CDKN2A: variants seen among roughly 807,000 people sequenced by gnomAD.
CDKN2A encodes the protein cyclin dependent kinase inhibitor 2A, also known as cyclin-dependent kinase inhibitor 2A.
A neutral mutation model predicts 11.1 loss-of-function variants in CDKN2A; 3 were observed. That is an observed-to-expected ratio of 0.27 (90% CI 0.12 to 0.70). CDKN2A has a LOEUF of 0.70. CDKN2A is among the 30% of genes least tolerant of loss of function. The probability of loss-of-function intolerance (pLI) is 0.77; values close to 1 mark genes in which losing one functional copy is unlikely to be tolerated. For synonymous variants in CDKN2A, 122 were observed against 108.1 expected (o/e 1.13, Z -0.80); for missense variants, 265 against 233.6 (o/e 1.13, Z -0.88).
At chr9:21,981,361 G>A (rs578111481) in intron 2 of CDKN2A, among the ~76,000 whole-genome samples, 4 of 151,208 alleles carry the variant, frequency 2.6e-5, no homozygotes, top group African/African-American at 9.7e-5. Context: ...TCAGAGTCTG[G>A]AAAAGCTCCC....
Position 21,968,014 on chromosome 9 carries a change from T to C in CDKN2A, c.*215A>G. 1.8e-6 allele frequency: 1 copy of C among 567,598 alleles called. No homozygotes were observed. The highest frequency in any genetic ancestry group is 3.1e-6 in the Non-Finnish European group (1 of 319,084). 35.2% of individuals were successfully genotyped at this position (567,598 alleles called of 1,614,324 possible). A position where few individuals can be genotyped will look rare whatever the true frequency, so the allele number is the denominator to read the frequency against. The stretch of plus-strand genomic sequence containing the variant: ...GGTGTTTTTCTTTTTTACATTTTTA[T>C]AAGAATATATAAAAAATGATATAAA... On this transcript the variant is annotated 3_prime_UTR_variant, in exon 3 of 3. Coordinates refer to ENST00000304494, the MANE Select transcript of CDKN2A (RefSeq NM_000077.5). This position sits in a 1 kb window ranked among gnomAD's most constrained non-coding sequence, Gnocchi z 4.7.
intron 1 of CDKN2A, chr9:21,994,818 T>G: frequency 2.5e-5 from 4 of 162,306 alleles, no homozygotes; most frequent in East Asian, 1.7e-4. Context: ...GACACGGCCC[T>G]ACCAGGAACA....
Position 21,992,002 on chromosome 9 carries a change from A to G in CDKN2A, c.-4+1880T>C, listed in dbSNP as rs576232425. The G allele has an allele frequency of 5.1e-6, 5 of 984,526 alleles. No individual in the cohort carries two copies. In the African/African-American group the frequency reaches 8.7e-5, roughly 17 times the overall value. The allele number at this position is 984,526 out of a possible 1,614,324, so 61.0% of individuals were successfully genotyped here. A position where few individuals can be genotyped will look rare whatever the true frequency, so the allele number is the denominator to read the frequency against. On this transcript the variant is annotated intron_variant, in intron 2 of 3. Coordinates refer to the CDKN2A transcript ENST00000494262. ...AATATGACTATTTTGTAAATGCACCAAGGTAGAAGTAACAAATCAACTATG... is the reference window on the plus strand; with the variant it reads ...AATATGACTATTTTGTAAATGCACCGAGGTAGAAGTAACAAATCAACTATG...
intron 2 of CDKN2A, among the ~76,000 whole-genome samples, chr9:21,980,357 A>G (rs1378348875): frequency 6.6e-6 from 1 of 152,200 alleles, no homozygotes; most frequent in African/African-American, 2.4e-5. Flanking sequence ...GGGGAGATAC[A>G]GGAAAAGCTG....
upstream of CDKN2A, among the ~76,000 whole-genome samples, chr9:21,978,724 C>CGGTA (rs1369445408): frequency 1.3e-5 from 2 of 152,164 alleles, no homozygotes; most frequent in Non-Finnish European, 2.9e-5. Flanking sequence ...CAAAAAAAGA[C>CGGTA]TACCACCTGT....
chr9:21,968,268 C>G lies in CDKN2A; in HGVS notation c.458-26G>C, dbSNP rs746862360. On this transcript the variant is annotated intron_variant, in intron 2 of 2. Coordinates refer to ENST00000304494, the MANE Select transcript of CDKN2A (RefSeq NM_000077.5). The surrounding 1 kb of genome is among the most constrained non-coding windows in gnomAD (Gnocchi z 4.7). ...CTGCAGAGGGCAGAAAGAAAACAGG[C>G]GTTAGAAACCTGAGGTCAAAGATGT... 1 of 1,613,458 alleles carries G rather than the reference C, an allele frequency of 6.2e-7. No individual in the cohort carries two copies. Among genetic ancestry groups the G allele is most frequent in the Non-Finnish European group, 8.5e-7 (1 of 1,179,570 alleles).
At chr9:21,980,258 T>C (rs1388459358) in intron 2 of CDKN2A, among the ~76,000 whole-genome samples, 1 of 152,206 alleles carries the variant, frequency 6.6e-6, no homozygotes, top group Non-Finnish European at 1.5e-5. Context: ...ACATATTTCT[T>C]TACCAGTTTC....
At chr9:21,979,493 A>G (rs1820124714), upstream of CDKN2A, among the ~76,000 whole-genome samples, 1 of 152,212 alleles carries the variant, frequency 6.6e-6, no homozygotes, top group Admixed American at 6.5e-5. Context: ...GATATTTTTG[A>G]GGACTTGAGG....
intron 2 of CDKN2A, among the ~76,000 whole-genome samples, chr9:21,982,771 CCA>C (rs1820222873): frequency 6.6e-6 from 1 of 151,562 alleles, no homozygotes; most frequent in South Asian, 2.1e-4. Flanking sequence ...TTTTCAACCC[CCA>C]GCTATGTGAC....
At chr9:21,971,569 C>A (rs1223064003) in intron 1 of CDKN2A, among the ~76,000 whole-genome samples, 2 of 73,154 alleles carry the variant, frequency 2.7e-5, no homozygotes, top group Non-Finnish European at 4.6e-5. Flanking sequence ...TATGTTAGGC[C>A]TGGAGATTTT....
chr9:21,971,284 T>C (rs1485934683), intron 1 of CDKN2A, 76 bp from the exon 2 acceptor site: 10 of 1,543,518 alleles, frequency 6.5e-6, no homozygotes, highest in Non-Finnish European at 7.8e-6. Context: ...TAGAGCCCCC[T>C]CACCGCCAAG....
chr9:21,994,876 T>G (rs1820572043), exon 1 of CDKN2A: 2 of 154,558 alleles, frequency 1.3e-5, no homozygotes, highest in Admixed American at 6.5e-5. Context: ...CGCTCCCCTA[T>G]TCCCCTTATT....
At chr9:21,975,465 C>T (rs1478039247), upstream of CDKN2A, among the ~76,000 whole-genome samples, 1 of 151,896 alleles carries the variant, frequency 6.6e-6, no homozygotes, top group Admixed American at 6.6e-5. Context: ...GAAAGTGTCC[C>T]CCTACCCCCT....
chr9:21,993,464 G>A (rs575272481), intron 2 of CDKN2A, among the ~76,000 whole-genome samples: 17 of 152,132 alleles, frequency 1.1e-4, no homozygotes, highest in Non-Finnish European at 2.2e-4. Context: ...CTAAACATAC[G>A]AGCATTGTCC....
At position 21,971,081 on chromosome 9, in the gene CDKN2A, G is replaced by A. The variant is rs876659723; in HGVS notation, c.278C>T (p.Thr93Met). 6.2e-7 allele frequency: 1 copy of A among 1,605,464 alleles called. No homozygotes were observed. Among genetic ancestry groups the A allele is most frequent in the East Asian group, 2.2e-5 (1 of 44,856 alleles). Reference sequence around the variant, plus strand: ...CCCGGCCCGGTGCAGCACCACCAGCGTGTCCAGGAAGCCCTCCCGGGCAGC... The same window carrying A: ...CCCGGCCCGGTGCAGCACCACCAGCATGTCCAGGAAGCCCTCCCGGGCAGC... ...HDAAREGFLDTLVVLHRAGAR... is the reference protein window; with the variant it reads ...HDAAREGFLDMLVVLHRAGAR... The change falls in exon 2 of 3, where the codon ACG becomes ATG. Residue 93 changes from threonine (T) to methionine (M), a missense_variant. Transcript: ENST00000304494.
intron 2 of CDKN2A, chr9:21,970,137 C>T (rs1819637087): frequency 3.9e-6 from 1 of 255,802 alleles, no homozygotes; most frequent in Admixed American, 5.4e-5. Flanking sequence ...CAGCAGACAG[C>T]TGTGGGAGTA....
intron 2 of CDKN2A, among the ~76,000 whole-genome samples, chr9:21,980,988 A>G (rs867456494): frequency 3.8e-4 from 9 of 23,934 alleles, no homozygotes; most frequent in African/African-American, 1.7e-3. Context: ...ATATATATAC[A>G]CGTATATATA....
At chr9:21,986,649 TA>T (rs1820304365) in intron 2 of CDKN2A, among the ~76,000 whole-genome samples, 1 of 152,072 alleles carries the variant, frequency 6.6e-6, no homozygotes, top group Non-Finnish European at 1.5e-5. Context: ...TTGTGATAAT[TA>T]AATTAGATAA....
chr9:21,982,902 A>G (rs1436002803), intron 2 of CDKN2A, among the ~76,000 whole-genome samples: 1 of 151,944 alleles, frequency 6.6e-6, no homozygotes, highest in Non-Finnish European at 1.5e-5. Flanking sequence ...CTTAAGTAAT[A>G]AGGAAAAGAA....
Sources: gnomAD v4.1 joint callset for allele counts (sites outside exome capture counted in the v4.1 genomes callset) on GRCh38, gnomAD v4.1.1 for gene constraint, Gnocchi (gnomAD v3.1) non-coding constraint, MANE v1.5 for transcripts, NCBI Gene and HGNC (gene_info 2026-07-23, HGNC 2026-07-21) for gene names.